Variants in FECH observed in about 807,000 individuals in gnomAD.
FECH encodes the protein ferrochelatase, mitochondrial.
FECH carries 40 observed loss-of-function variants against 56.9 expected under a neutral mutation model. That is an observed-to-expected ratio of 0.70 (90% CI 0.55 to 0.92). The LOEUF (loss-of-function observed/expected upper bound fraction) is 0.92, where lower values mean the gene tolerates loss of function less well. Among genes scored for constraint, FECH ranks in the 40% least tolerant of loss-of-function variants. The probability of loss-of-function intolerance (pLI) is 0.00; values close to 1 mark genes in which losing one functional copy is unlikely to be tolerated. For missense variants in FECH, 431 were observed against 529.1 expected (o/e 0.81, Z 1.82); for synonymous variants, 175 against 198.6 (o/e 0.88, Z 1.00).
intron 7 of FECH, among the ~76,000 whole-genome samples, chr18:57,556,077 C>T (rs965759632): frequency 1.3e-5 from 2 of 152,106 alleles, no homozygotes; most frequent in Non-Finnish European, 1.5e-5. Context: ...TGCAGTGAGC[C>T]GAGATTGCAC....
chr18:57,554,561 A>G, intron 8 of FECH, 137 bp from the exon 9 acceptor site: 1 of 929,884 alleles, frequency 1.1e-6, no homozygotes, highest in South Asian at 1.3e-5. Flanking sequence ...ATGGATTTTG[A>G]TATTTTCACA....
Position 57,546,073 on chromosome 18 carries a change from G to A in FECH, c.*4639C>T, listed in dbSNP as rs573769609. Reference sequence around the variant, plus strand: ...ATCTTAATTTAGGGCATTAGTTTCCGGGTGAGCTCAGAATTTTCTTATTCC... The same window carrying A: ...ATCTTAATTTAGGGCATTAGTTTCCAGGTGAGCTCAGAATTTTCTTATTCC... On this transcript the variant is annotated 3_prime_UTR_variant, in exon 11 of 11. Coordinates refer to ENST00000262093, the MANE Select transcript of FECH (RefSeq NM_000140.5). 9.2e-5 allele frequency among the ~76,000 whole-genome samples: 14 copies of A among 152,216 alleles called. No homozygotes were observed. Among genetic ancestry groups the A allele is most frequent in the African/African-American group, 2.6e-4 (11 of 41,534 alleles).
Position 57,563,578 on chromosome 18 carries a change from CCCAAAAA to C in FECH, c.599-605_599-599del, listed in dbSNP as rs1392609967. 4.6e-3 allele frequency among the ~76,000 whole-genome samples: 50 copies of C among 10,954 alleles called. 1 individual carries two copies. Among genetic ancestry groups the C allele is most frequent in the Admixed American group, 0.043 (34 of 794 alleles). 7.2% of individuals were successfully genotyped at this position (10,954 alleles called of 152,430 possible). A position where few individuals can be genotyped will look rare whatever the true frequency, so the allele number is the denominator to read the frequency against. ...CTGGGCAACAAGAGCGAAACTCCGT[CCCAAAAA>C]AAAAAAAAAAAAAAAAAAAGTATGT... On this transcript the variant is annotated intron_variant, in intron 5 of 10. Coordinates refer to ENST00000262093, the MANE Select transcript of FECH (RefSeq NM_000140.5).
chr18:57,545,691 G>T lies in FECH; in HGVS notation c.*5021C>A, dbSNP rs1028088308. 6.6e-6 allele frequency among the ~76,000 whole-genome samples: 1 copy of T among 151,776 alleles called. No homozygotes were observed. The highest frequency in any genetic ancestry group is 1.9e-4 in the East Asian group (1 of 5,146). Reference sequence around the variant, plus strand: ...AGCACCTGCAGGTACCCACCACTTGGCTGAGTGCTATATAGCTCTACACAC... The same window carrying T: ...AGCACCTGCAGGTACCCACCACTTGTCTGAGTGCTATATAGCTCTACACAC... On this transcript the variant is annotated 3_prime_UTR_variant, in exon 11 of 11. Transcript: ENST00000262093.
Position 57,546,687 on chromosome 18 carries a change from A to T in FECH, c.*4025T>A, listed in dbSNP as rs1410558063. Among the ~76,000 whole-genome samples the T allele has an allele frequency of 1.3e-5, 2 of 152,072 alleles. No homozygotes were observed. Among genetic ancestry groups the T allele is most frequent in the African/African-American group, 2.4e-5 (1 of 41,406 alleles). ...TTAAGATTTATTGAGTAGGCCGGGG[A>T]TGGTGGCTCACGCCTGTAATCCCAA... On this transcript the variant is annotated 3_prime_UTR_variant, in exon 11 of 11. Coordinates refer to ENST00000262093, the MANE Select transcript of FECH (RefSeq NM_000140.5).
intron 7 of FECH, among the ~76,000 whole-genome samples, chr18:57,558,235 T>C (rs889713077): frequency 5.5e-4 from 84 of 152,234 alleles, no homozygotes; most frequent in African/African-American, 2.0e-3. Context: ...CAGATGAAAC[T>C]GGTTGCTTAT....
chr18:57,551,352 C>A lies in FECH; in HGVS notation c.1100G>T (p.Arg367Ile). 6.2e-7 allele frequency: 1 copy of A among 1,613,164 alleles called. No homozygotes were observed. The highest frequency in any genetic ancestry group is 8.5e-7 in the Non-Finnish European group (1 of 1,179,288). ...TGGATTTCCATTAAGAGACTCAGCT[C>A]TTCTGATGTTTTCAACTCCACACTG... is the stretch of plus-strand genomic sequence containing the variant. The part of the protein sequence containing the change: ...AKECGVENIR[R>I]AESLNGNPLF... Residue 367 changes from arginine to isoleucine, a missense_variant, in exon 10 of 11, where the codon AGA (arginine) becomes ATA (isoleucine). Coordinates refer to ENST00000262093, the MANE Select transcript of FECH (RefSeq NM_000140.5).
chr18:57,550,872 C>G, intron 10 of FECH, 26 bp from the exon 11 acceptor site: 1 of 1,612,660 alleles, frequency 6.2e-7, no homozygotes, highest in Non-Finnish European at 8.5e-7. Flanking sequence ...GAGGCAAAGA[C>G]GCATGAGAAG....
chr18:57,581,315 C>T (rs1052928404), intron 1 of FECH, among the ~76,000 whole-genome samples: 1 of 152,158 alleles, frequency 6.6e-6, no homozygotes, highest in Non-Finnish European at 1.5e-5. Flanking sequence ...GAAGAACCCA[C>T]CTGAATTGAG....
At chr18:57,553,669 A>G (rs2122245539) in intron 9 of FECH, among the ~76,000 whole-genome samples, 1 of 152,360 alleles carries the variant, frequency 6.6e-6, no homozygotes, top group African/African-American at 2.4e-5. Context: ...CAAGACACCA[A>G]AGATGGTATT....
At chr18:57,571,648 C>T (rs2051112475) in intron 3 of FECH, 108 bp from the exon 4 acceptor site, 2 of 1,522,992 alleles carry the variant, frequency 1.3e-6, no homozygotes, top group African/African-American at 1.4e-5. Flanking sequence ...GAGAGCCTAA[C>T]AAGATTAAGC....
At chr18:57,556,078 G>A (rs368428080) in intron 7 of FECH, among the ~76,000 whole-genome samples, 3 of 152,176 alleles carry the variant, frequency 2.0e-5, no homozygotes, top group African/African-American at 7.2e-5. Flanking sequence ...GCAGTGAGCC[G>A]AGATTGCACC....
intron 6 of FECH, among the ~76,000 whole-genome samples, chr18:57,562,528 T>G (rs2050957922): frequency 6.6e-6 from 1 of 151,986 alleles, no homozygotes; most frequent in Non-Finnish European, 1.5e-5. Context: ...AAAATTTAAT[T>G]CGTTGGTCAG....
chr18:57,581,047 A>G (rs1347933459), intron 1 of FECH, among the ~76,000 whole-genome samples: 4 of 152,186 alleles, frequency 2.6e-5, no homozygotes, highest in Non-Finnish European at 5.9e-5. Context: ...GCTCCCCACA[A>G]GGCCAGAAAG....
At position 57,566,499 on chromosome 18, in the gene FECH, T is replaced by C; in HGVS notation, c.546A>G (p.Leu182=). The change falls in exon 5 of 11, where the codon CTA becomes CTG. Residue 182 remains leucine, a synonymous_variant. Coordinates refer to ENST00000262093, the MANE Select transcript of FECH (RefSeq NM_000140.5). ...ACTGTGTGAAAGCAATAGCCCTTTC[T>C]AGGCCATCTCTCTCCATCTCTTCAA... is the stretch of plus-strand genomic sequence containing the variant. The part of the protein sequence containing the change: ...EAIEEMERDG[L]ERAIAFTQYP... 1 of 1,614,210 alleles carries C rather than the reference T, an allele frequency of 6.2e-7. No individual in the cohort carries two copies. Among genetic ancestry groups the C allele is most frequent in the Non-Finnish European group, 8.5e-7 (1 of 1,180,028 alleles).
At chr18:57,556,125 T>A (rs1334374098) in intron 7 of FECH, among the ~76,000 whole-genome samples, 1 of 152,108 alleles carries the variant, frequency 6.6e-6, no homozygotes, top group Non-Finnish European at 1.5e-5. Flanking sequence ...CAAGACTCCA[T>A]CTCGAAAACA....
chr18:57,574,765 C>A (rs1044144646), intron 2 of FECH, among the ~76,000 whole-genome samples: 2 of 152,358 alleles, frequency 1.3e-5, no homozygotes, highest in East Asian at 3.9e-4. Context: ...ATGGCAATAA[C>A]TGGGGAACTA....
At chr18:57,583,030 TCTTA>T (rs1174846850) in intron 1 of FECH, among the ~76,000 whole-genome samples, 1 of 152,116 alleles carries the variant, frequency 6.6e-6, no homozygotes, top group African/African-American at 2.4e-5. Flanking sequence ...TATTACCATG[TCTTA>T]CTTACAAAAT....
intron 7 of FECH, 73 bp from the exon 8 acceptor site, chr18:57,555,025 A>G: frequency 8.6e-7 from 1 of 1,156,460 alleles, no homozygotes; most frequent in Non-Finnish European, 1.3e-6. Context: ...CTATGTGCTG[A>G]CACAGTGTGA....
Sources: allele counts gnomAD v4.1 joint callset (sites outside exome capture counted in the v4.1 genomes callset), GRCh38; gene constraint gnomAD v4.1.1; transcripts MANE v1.5; gene names NCBI Gene and HGNC (gene_info 2026-07-23, HGNC 2026-07-21).